Variants in STXBP5L observed in about 807,000 individuals in gnomAD.
STXBP5L encodes the protein syntaxin-binding protein 5-like.
In STXBP5L, 65 loss-of-function variants were observed where a neutral mutation model predicts 144.5. The ratio of observed to expected loss-of-function variants is 0.45; its 90% confidence interval spans 0.37 to 0.55. The LOEUF is 0.55. STXBP5L is among the 20% of genes least tolerant of loss of function. STXBP5L has a pLI of 0.00. For synonymous variants in STXBP5L, 505 were observed against 469.6 expected (o/e 1.08, Z -0.97); for missense variants, 1,298 against 1,405.5 (o/e 0.92, Z 1.22).
intron 5 of STXBP5L, among the ~76,000 whole-genome samples, chr3:121,059,957 C>G (rs760191314): frequency 1.3e-5 from 2 of 152,082 alleles, no homozygotes; most frequent in African/African-American, 4.8e-5. Flanking sequence ...TTTGAATACC[C>G]TATATTTCTT....
At chr3:120,962,221 T>A (rs568074191) in intron 3 of STXBP5L, among the ~76,000 whole-genome samples, 1 of 152,352 alleles carries the variant, frequency 6.6e-6, no homozygotes, top group Admixed American at 6.5e-5. Context: ...TTCCATTCTA[T>A]AGGTTGCCTG....
intron 9 of STXBP5L, among the ~76,000 whole-genome samples, chr3:121,195,333 A>G (rs2047877400): frequency 4.6e-5 from 7 of 152,092 alleles, no homozygotes; most frequent in Admixed American, 3.9e-4. Context: ...TTCCAGCTTT[A>G]TTGAATTATG....
intron 5 of STXBP5L, among the ~76,000 whole-genome samples, chr3:121,066,827 A>G (rs1483277355): frequency 6.6e-6 from 1 of 152,080 alleles, no homozygotes; most frequent in Non-Finnish European, 1.5e-5. Flanking sequence ...TTCACCAGTA[A>G]AGCAATGTAG....
chr3:121,018,902 G>A (rs753161894), intron 3 of STXBP5L, among the ~76,000 whole-genome samples: 16 of 152,176 alleles, frequency 1.1e-4, no homozygotes, highest in Non-Finnish European at 2.2e-4. Context: ...GATTGCTGCT[G>A]CAGGCTCTAT....
chr3:121,324,710 G>A (rs1184796407), intron 20 of STXBP5L: 2 of 537,138 alleles, frequency 3.7e-6, no homozygotes, highest in African/African-American at 1.9e-5. Context: ...GTCCTTCATG[G>A]TGTATGAAAA....
In STXBP5L at chr3:121,407,309, T is replaced by C; in HGVS notation, c.2654T>C (p.Met885Thr). The change falls in exon 23 of 27, where the codon ATG becomes ACG. Residue 885 changes from methionine to threonine, a missense_variant. By Grantham distance (81) the Met-to-Thr change is moderately conservative (BLOSUM62 -1). Transcript: ENST00000471454. ...TGTATGGACCGAATGGGTGGATTAA[T>C]GCAACCGCCATATGAAGTTTGGAGG... ...FSCMDRMGGL[M>T]QPPYEVWRDP... The C allele has an allele frequency of 6.2e-7, 1 of 1,611,878 alleles. No homozygotes were observed. Among genetic ancestry groups the C allele is most frequent in the Non-Finnish European group, 8.5e-7 (1 of 1,178,864 alleles).
intron 9 of STXBP5L, among the ~76,000 whole-genome samples, chr3:121,159,486 G>GT (rs1231278114): frequency 4.6e-5 from 7 of 151,988 alleles, no homozygotes; most frequent in Non-Finnish European, 8.8e-5. Flanking sequence ...TTCTAAGCAT[G>GT]TTTTTTATGA....
At chr3:121,376,381 C>T (rs1372174983) in intron 20 of STXBP5L, among the ~76,000 whole-genome samples, 3 of 152,168 alleles carry the variant, frequency 2.0e-5, no homozygotes, top group African/African-American at 7.2e-5. Flanking sequence ...AGGTTTGAGT[C>T]TTTAATCCAT....
At position 121,228,825 on chromosome 3, in the gene STXBP5L, C is replaced by T. The variant is rs935013556; in HGVS notation, c.1112-4791C>T. On this transcript the variant is annotated intron_variant, in intron 11 of 26. Coordinates refer to ENST00000471454, the MANE Select transcript of STXBP5L (RefSeq NM_001308330.2). ...CTGAAAGGTGGAAGTTCCAGTGAGC[C>T]GAGATCATGCCACTGCACTCCAACC... Among the ~76,000 whole-genome samples the T allele has an allele frequency of 1.7e-4, 26 of 152,040 alleles. 1 individual carries two copies. Among genetic ancestry groups the T allele is most frequent in the Admixed American group, 1.3e-3 (20 of 15,262 alleles).
At chr3:121,076,735 A>T (rs982883738) in intron 5 of STXBP5L, among the ~76,000 whole-genome samples, 4 of 152,132 alleles carry the variant, frequency 2.6e-5, no homozygotes, top group African/African-American at 9.7e-5. Context: ...TTAGGTTAAC[A>T]TCATAATCAC....
At chr3:121,310,199 A>G (rs1291040877) in intron 19 of STXBP5L, among the ~76,000 whole-genome samples, 1 of 152,242 alleles carries the variant, frequency 6.6e-6, no homozygotes. Context: ...AAAGAATAAT[A>G]TCTTCATGAT....
intron 18 of STXBP5L, among the ~76,000 whole-genome samples, chr3:121,262,028 C>A (rs35719234): frequency 0.092 from 14,064 of 152,182 alleles, 1,213 homozygotes; most frequent in East Asian, 0.48. Context: ...TTTGTTTGCG[C>A]TTGGCAGAAG....
In STXBP5L at chr3:121,380,327, G is replaced by A. The variant is rs188072468; in HGVS notation, c.2348-966G>A. On this transcript the variant is annotated intron_variant, in intron 21 of 26. Coordinates refer to ENST00000471454, the MANE Select transcript of STXBP5L (RefSeq NM_001308330.2). ...CTAAGAGATAAAAAGGAGAAATTAGGAATACTATATTTTGTTTCCTAGAAA... is the reference window on the plus strand; with the variant it reads ...CTAAGAGATAAAAAGGAGAAATTAGAAATACTATATTTTGTTTCCTAGAAA... Among the ~76,000 whole-genome samples, 646 of 152,118 alleles carry A rather than the reference G, an allele frequency of 4.2e-3. 5 individuals are homozygous for A. The highest frequency in any genetic ancestry group is 0.015 in the African/African-American group (616 of 41,496).
intron 5 of STXBP5L, among the ~76,000 whole-genome samples, chr3:121,108,941 G>C (rs1484538521): frequency 3.3e-5 from 5 of 151,966 alleles, no homozygotes; most frequent in Non-Finnish European, 7.4e-5. Flanking sequence ...TTCAGTCTTG[G>C]GAGGCTGTAT....
chr3:121,303,397 T>C (rs893298052), intron 19 of STXBP5L, among the ~76,000 whole-genome samples: 34 of 152,126 alleles, frequency 2.2e-4, no homozygotes, highest in African/African-American at 7.7e-4. Context: ...GGAGAGGATG[T>C]GGAGAAATAG....
At chr3:121,076,165 A>C (rs959387234) in intron 5 of STXBP5L, among the ~76,000 whole-genome samples, 1 of 152,264 alleles carries the variant, frequency 6.6e-6, no homozygotes, top group Non-Finnish European at 1.5e-5. Context: ...GGGCACCTGC[A>C]TTGCTTGGGC....
intron 7 of STXBP5L, among the ~76,000 whole-genome samples, chr3:121,137,165 C>A (rs1385606202): frequency 6.6e-6 from 1 of 152,060 alleles, no homozygotes; most frequent in Non-Finnish European, 1.5e-5. Context: ...ATTTGTACAC[C>A]AAACCCTGAT....
At chr3:121,350,685 C>A (rs1181344231) in intron 20 of STXBP5L, among the ~76,000 whole-genome samples, 4 of 151,884 alleles carry the variant, frequency 2.6e-5, no homozygotes, top group Non-Finnish European at 5.9e-5. Context: ...CGTTAAACTT[C>A]TCTTCTCACT....
chr3:121,119,748 G>A (rs2044378454), intron 6 of STXBP5L, among the ~76,000 whole-genome samples: 1 of 151,332 alleles, frequency 6.6e-6, no homozygotes, highest in African/African-American at 2.4e-5. Flanking sequence ...ACCCCAAAAT[G>A]TTAATAGGCA....
Sources: allele counts gnomAD v4.1 joint callset (sites outside exome capture counted in the v4.1 genomes callset), GRCh38; gene constraint gnomAD v4.1.1; transcripts MANE v1.5; gene names NCBI Gene and HGNC (gene_info 2026-07-23, HGNC 2026-07-21).